NOC4L: variants seen among roughly 807,000 people sequenced by gnomAD.
NOC4L encodes nucleolar complex associated 4 homolog.
Under a neutral mutation model 62.8 loss-of-function variants are expected in NOC4L, and 40 were observed. The ratio of observed to expected loss-of-function variants is 0.64; its 90% CI spans 0.49 to 0.83. NOC4L has a LOEUF of 0.83. Among genes scored for constraint, NOC4L ranks in the 40% least tolerant of loss-of-function variants. The pLI, the probability that NOC4L is intolerant of heterozygous loss-of-function variation, is 0.00. For synonymous variants in NOC4L, 433 were observed against 299.8 expected, an observed-to-expected ratio of 1.44 and a Z score of -4.59; for missense variants, 927 against 701.9, an observed-to-expected ratio of 1.32 and a Z score of -3.62.
chr12:132,147,530 A>G, intron 4 of NOC4L, 103 bp from the exon 5 acceptor site: 2 of 1,502,256 alleles, frequency 1.3e-6, no homozygotes, highest in Non-Finnish European at 1.8e-6. Flanking sequence ...CCACCCAACC[A>G]GGAGGAGTCT....
At chr12:132,151,922 T>C (rs1872995060) in intron 13 of NOC4L, 102 bp downstream of exon 13, 1 of 1,322,942 alleles carries the variant, frequency 7.6e-7, no homozygotes. Flanking sequence ...TCATGTTGCG[T>C]CCCCAGCTGG....
At position 132,147,935 on chromosome 12, in the gene NOC4L, C is replaced by A; in HGVS notation, c.659C>A (p.Pro220His). The change falls in exon 6 of 15, where the codon CCC becomes CAC. Residue 220 changes from proline (P) to histidine (H), a missense_variant. Transcript: ENST00000330579. ...AFTLLSAVSLPRREPTVSSFY... is the reference protein window; with the variant it reads ...AFTLLSAVSLHRREPTVSSFY... ...ACGCTGCTGTCTGCCGTGAGCCTGCCCCGCCGGGAGCCCACCGTCTCCAGC... is the reference window on the plus strand; with the variant it reads ...ACGCTGCTGTCTGCCGTGAGCCTGCACCGCCGGGAGCCCACCGTCTCCAGC... 1 of 1,606,650 alleles carries A rather than the reference C, an allele frequency of 6.2e-7. No individual in the cohort carries two copies. The highest frequency in any genetic ancestry group is 8.5e-7 in the Non-Finnish European group (1 of 1,177,228).
At chr12:132,148,576 A>G in intron 7 of NOC4L, 33 bp from the exon 8 acceptor site, 3 of 1,528,956 alleles carry the variant, frequency 2.0e-6, no homozygotes, top group Non-Finnish European at 2.6e-6. Context: ...TGGGGTGGGG[A>G]GGGCGGCGAG....
In NOC4L at chr12:132,148,119, T is replaced by G; in HGVS notation, c.738+13T>G. 1 of 1,613,040 alleles carries G rather than the reference T, an allele frequency of 6.2e-7. No individual in the cohort carries two copies. The highest frequency in any genetic ancestry group is 8.5e-7 in the Non-Finnish European group (1 of 1,179,888). ...TGCTCACCTGAAGGTGAGTTGCTTC[T>G]GGAGAGCCGGGCACCCTCCCGGGTT... On this transcript the variant is annotated intron_variant, in intron 7 of 14. Transcript: ENST00000330579.
intron 9 of NOC4L, 66 bp downstream of exon 9, chr12:132,148,961 CTA>C (rs1897850081): frequency 7.0e-5 from 16 of 230,166 alleles, no homozygotes; most frequent in South Asian, 2.2e-4. Context: ...CGCCTCACTC[CTA>C]CCACACCCCT....
chr12:132,144,753 G>A (rs1565957163), intron 1 of NOC4L, 101 bp from the exon 2 acceptor site: 1 of 1,494,676 alleles, frequency 6.7e-7, no homozygotes. Flanking sequence ...GGGGTGACGG[G>A]GCTGGCGTCC....
chr12:132,150,854 C>T (rs1180112343), intron 9 of NOC4L, 127 bp from the exon 10 acceptor site: 4 of 706,418 alleles, frequency 5.7e-6, no homozygotes, highest in South Asian at 1.7e-5. Context: ...AGCTTTGTGT[C>T]CGTGGGGGCT....
intron 4 of NOC4L, 89 bp from the exon 5 acceptor site, chr12:132,147,544 T>TG: frequency 1.3e-6 from 2 of 1,535,588 alleles, no homozygotes; most frequent in Admixed American, 1.9e-5. Context: ...GGAGTCTGCC[T>TG]GGGGGGCTCG....
At position 132,147,952 on chromosome 12, in the gene NOC4L, G is replaced by C; in HGVS notation, c.676G>C (p.Val226Leu). 6.2e-7 allele frequency: 1 copy of C among 1,609,268 alleles called. No individual in the cohort carries two copies. Among genetic ancestry groups the C allele is most frequent in the Admixed American group, 1.7e-5 (1 of 59,400 alleles). Residue 226 changes from valine to leucine, a missense_variant, in exon 6 of 15, where the codon GTC becomes CTC. Coordinates refer to ENST00000330579, the MANE Select transcript of NOC4L (RefSeq NM_024078.3). Reference protein sequence around the residue: ...AVSLPRREPTVSSFYVKRAEL... With the variant: ...AVSLPRREPTLSSFYVKRAEL... ...GAGCCTGCCCCGCCGGGAGCCCACC[G>C]TCTCCAGCTTCTATGTGAAGCGGGC... is the stretch of plus-strand genomic sequence containing the variant.
chr12:132,145,582 T>C lies in NOC4L; in HGVS notation c.262T>C (p.Tyr88His). 1 of 1,612,976 alleles carries C rather than the reference T, an allele frequency of 6.2e-7. No individual in the cohort carries two copies. Among genetic ancestry groups the C allele is most frequent in the Non-Finnish European group, 8.5e-7 (1 of 1,179,618 alleles). Reference sequence around the variant, plus strand: ...AGGGTCCCAGGGAGCCACACGGAAGTACAAGGTGTGGATGAGACACCGCTA... The same window carrying C: ...AGGGTCCCAGGGAGCCACACGGAAGCACAAGGTGTGGATGAGACACCGCTA... ...MTGSQGATRK[Y>H]KVWMRHRYHS... The change falls in exon 3 of 15, where the codon TAC becomes CAC. Residue 88 changes from tyrosine to histidine, a missense_variant. Tyr to His is a moderately conservative substitution (Grantham distance 83). Coordinates refer to ENST00000330579, the MANE Select transcript of NOC4L (RefSeq NM_024078.3).
chr12:132,151,662 C>G lies in NOC4L; in HGVS notation c.1234+18C>G. 1 of 1,611,384 alleles carries G rather than the reference C, an allele frequency of 6.2e-7. No homozygotes were observed. Among genetic ancestry groups the G allele is most frequent in the Non-Finnish European group, 8.5e-7 (1 of 1,179,178 alleles). The stretch of plus-strand genomic sequence containing the variant: ...CGGCCCTGGTGAGTTGCGGGGCCCT[C>G]GGAGGCTGGGCTGGAGCTGGGGCGG... On this transcript the variant is annotated intron_variant, in intron 12 of 14. Coordinates refer to ENST00000330579, the MANE Select transcript of NOC4L (RefSeq NM_024078.3).
chr12:132,148,688 G>A (rs920691448), intron 8 of NOC4L, 29 bp downstream of exon 8: 9 of 1,534,180 alleles, frequency 5.9e-6, no homozygotes, highest in South Asian at 1.2e-5. Context: ...AGGGGGCGGG[G>A]GCGGCATCCG....
At position 132,147,984 on chromosome 12, in the gene NOC4L, G is replaced by A. The variant is rs760703595; in HGVS notation, c.703+5G>A. The A allele has an allele frequency of 6.2e-7, 1 of 1,611,704 alleles. No individual in the cohort carries two copies. The highest frequency in any genetic ancestry group is 8.5e-7 in the Non-Finnish European group (1 of 1,179,290). On this transcript the variant is annotated splice_donor_5th_base_variant and intron_variant, in intron 6 of 14. Coordinates refer to ENST00000330579, the MANE Select transcript of NOC4L (RefSeq NM_024078.3). ...GCTTCTATGTGAAGCGGGCGGGTGA[G>A]TGTGCTGAGAGTCAGGGGCGGACAG...
chr12:132,148,712 G>T (rs946364695), intron 8 of NOC4L, 53 bp downstream of exon 8: 3 of 1,510,050 alleles, frequency 2.0e-6, no homozygotes, highest in East Asian at 2.5e-5. Context: ...CTCCCCCAGG[G>T]CGGAGGCCTC....
intron 2 of NOC4L, among the ~76,000 whole-genome samples, chr12:132,145,249 C>A (rs1028566401): frequency 6.6e-6 from 1 of 152,230 alleles, no homozygotes; most frequent in East Asian, 1.9e-4. Flanking sequence ...GACACGGTCG[C>A]TTAAACTCGG....
rs760072051 is a variant in NOC4L, at chr12:132,151,210, A to T, written c.963-48A>T. On this transcript the variant is annotated intron_variant, in intron 10 of 14. Coordinates refer to ENST00000330579, the MANE Select transcript of NOC4L (RefSeq NM_024078.3). ...GTGAGACCCTGGCCTTGGAGGCCTC[A>T]GTTCCCGGGCCCTGCTCCATCCGCT... 34 of 1,528,214 alleles carry T rather than the reference A, an allele frequency of 2.2e-5. No individual in the cohort carries two copies. The East Asian group carries it at 7.6e-4, about 34-fold the overall frequency. The allele number at this position is 1,528,214 out of a possible 1,614,324, so 94.7% of individuals were successfully genotyped here.
chr12:132,146,865 G>A (rs986268966), intron 3 of NOC4L, among the ~76,000 whole-genome samples: 1 of 152,132 alleles, frequency 6.6e-6, no homozygotes, highest in African/African-American at 2.4e-5. Flanking sequence ...TGAAAGCACT[G>A]AGTTTGCCAC....
chr12:132,145,576 C>G lies in NOC4L; in HGVS notation c.256C>G (p.Arg86Gly). The G allele has an allele frequency of 6.2e-7, 1 of 1,612,806 alleles. No homozygotes were observed. ...MVMTGSQGAT[R>G]KYKVWMRHRY... ...GTCTGCAGGGTCCCAGGGAGCCACA[C>G]GGAAGTACAAGGTGTGGATGAGACA... Residue 86 changes from arginine (R) to glycine (G), a missense_variant, in exon 3 of 15, where the codon CGG (arginine) becomes GGG (glycine). By Grantham distance (125) the Arg-to-Gly change is moderately radical. Transcript: ENST00000330579.
intron 3 of NOC4L, chr12:132,146,443 CTT>C (rs764937442): frequency 3.7e-4 from 163 of 435,054 alleles, no homozygotes; most frequent in Non-Finnish European, 6.5e-4. Context: ...CGTACAAACT[CTT>C]GTGTGATGTT....
Sources: gnomAD v4.1 joint callset for allele counts (sites outside exome capture counted in the v4.1 genomes callset) on GRCh38, gnomAD v4.1.1 for gene constraint, MANE v1.5 for transcripts, NCBI Gene and HGNC (gene_info 2026-07-23, HGNC 2026-07-21) for gene names.